The following LRRC38 variants were observed in gnomAD, a reference collection of about 807,000 sequenced individuals.
LRRC38 encodes the protein leucine rich repeat containing 38, also known as leucine-rich repeat-containing protein 38.
LRRC38 carries 5 observed loss-of-function variants against 16.4 expected under a neutral mutation model. That is an observed-to-expected ratio of 0.31 (90% confidence interval 0.16 to 0.64). The LOEUF (loss-of-function observed/expected upper bound fraction) is 0.64, where lower values mean the gene tolerates loss of function less well. Ranked by LOEUF, LRRC38 falls within the 30% of genes least tolerant of loss-of-function variation. LRRC38 has a pLI of 0.80. For missense variants in LRRC38, 341 were observed against 401.8 expected (o/e 0.85, Z 1.29); for synonymous variants, 191 against 190.2 (o/e 1.00, Z -0.04).
chr1:13,484,694 T>G (rs1180967427), intron 1 of LRRC38, among the ~76,000 whole-genome samples: 2 of 152,232 alleles, frequency 1.3e-5, no homozygotes, highest in Non-Finnish European at 2.9e-5. Context: ...GAAACTCTCA[T>G]TGATCTTTGG....
At chr1:13,492,977 C>T (rs1397055224) in intron 1 of LRRC38, among the ~76,000 whole-genome samples, 1 of 152,200 alleles carries the variant, frequency 6.6e-6, no homozygotes, top group Non-Finnish European at 1.5e-5. Flanking sequence ...CTGGGGGCCA[C>T]GCTATCCCTG....
At chr1:13,478,080 C>G (rs1443432676) in intron 1 of LRRC38, among the ~76,000 whole-genome samples, 1 of 152,170 alleles carries the variant, frequency 6.6e-6, no homozygotes, top group Non-Finnish European at 1.5e-5. Context: ...TGTTACCAAG[C>G]ATAATCATCC....
chr1:13,490,996 A>G (rs1639005200), intron 1 of LRRC38, among the ~76,000 whole-genome samples: 2 of 152,222 alleles, frequency 1.3e-5, no homozygotes, highest in Non-Finnish European at 2.9e-5. Flanking sequence ...ATATTTCTAG[A>G]AACTCCTGCT....
At chr1:13,488,063 T>TGC (rs57198482) in intron 1 of LRRC38, among the ~76,000 whole-genome samples, 173 of 149,200 alleles carry the variant, frequency 1.2e-3, no homozygotes, top group African/African-American at 4.0e-3. Flanking sequence ...TGTGTGTGTG[T>TGC]ACATAAATCT....
At chr1:13,476,728 C>A (rs1288982424) in intron 1 of LRRC38, among the ~76,000 whole-genome samples, 2 of 152,092 alleles carry the variant, frequency 1.3e-5, no homozygotes, top group East Asian at 1.9e-4. Context: ...TAATCCAGAC[C>A]CGACTAGTAG....
At position 13,513,223 on chromosome 1, in the gene LRRC38, A is replaced by T; in HGVS notation, c.371T>A (p.Phe124Tyr). The T allele has an allele frequency of 6.4e-7, 1 of 1,550,402 alleles. No individual in the cohort carries two copies. The highest frequency in any genetic ancestry group is 8.7e-7 in the Non-Finnish European group (1 of 1,146,934). ...NNLTQLGAGA[F>Y]RSAGRLVKLS... is the part of the protein sequence containing the mutation. ...CTTCACCAGCCTCCCGGCCGAGCGGAAGGCGCCGGCGCCCAGCTGGGTCAA... is the reference window on the plus strand; with the variant it reads ...CTTCACCAGCCTCCCGGCCGAGCGGTAGGCGCCGGCGCCCAGCTGGGTCAA... The change falls in exon 1 of 2, where the codon TTC becomes TAC. Residue 124 changes from phenylalanine to tyrosine, a missense_variant. Transcript: ENST00000376085.
chr1:13,488,096 C>T (rs1178098327), intron 1 of LRRC38, among the ~76,000 whole-genome samples: 1 of 151,030 alleles, frequency 6.6e-6, no homozygotes, highest in Non-Finnish European at 1.5e-5. Context: ...TGCACTCCAC[C>T]ACTCTGTCGG....
chr1:13,495,178 G>T (rs1183342604), intron 1 of LRRC38, among the ~76,000 whole-genome samples: 1 of 152,206 alleles, frequency 6.6e-6, no homozygotes, highest in Non-Finnish European at 1.5e-5. Flanking sequence ...GAAAGAATGA[G>T]GATGAGCTGG....
At chr1:13,481,746 C>G (rs550678216) in intron 1 of LRRC38, among the ~76,000 whole-genome samples, 104 of 138,202 alleles carry the variant, frequency 7.5e-4, no homozygotes, top group African/African-American at 2.7e-3. Flanking sequence ...TCTGTCTCTG[C>G]CTCTCACTTT....
intron 1 of LRRC38, among the ~76,000 whole-genome samples, chr1:13,496,240 C>T (rs1212378422): frequency 6.6e-6 from 1 of 152,134 alleles, no homozygotes; most frequent in African/African-American, 2.4e-5. Context: ...GATCCTAGCT[C>T]ACTGTAACTT....
rs1478064868 is a variant in LRRC38 at position 13,513,599 on chromosome 1, G to C, written c.-6C>G. The C allele has an allele frequency of 1.8e-6, 2 of 1,108,806 alleles. No homozygotes were observed. Among genetic ancestry groups the C allele is most frequent in the Middle Eastern group, 3.9e-4 (1 of 2,568 alleles). The allele number at this position is 1,108,806 out of a possible 1,614,324, so 68.7% of individuals were successfully genotyped here. A position where few individuals can be genotyped will look rare whatever the true frequency, so the allele number is the denominator to read the frequency against. The stretch of plus-strand genomic sequence containing the variant: ...GCTGGGGCTCGGGGGCGCATGGCCG[G>C]GGGGCCCGCGCCGGCCGCGGCGAGA... On this transcript the variant is annotated 5_prime_UTR_variant, in exon 1 of 2. Coordinates refer to ENST00000376085, the MANE Select transcript of LRRC38 (RefSeq NM_001010847.2).
chr1:13,512,437 T>C (rs1452837707), intron 1 of LRRC38, among the ~76,000 whole-genome samples: 1 of 152,176 alleles, frequency 6.6e-6, no homozygotes, highest in Non-Finnish European at 1.5e-5. Flanking sequence ...TGGCTCTTAA[T>C]GGGCTGCCAT....
intron 1 of LRRC38, among the ~76,000 whole-genome samples, chr1:13,496,151 G>A (rs2100509654): frequency 7.1e-6 from 1 of 139,868 alleles, no homozygotes; most frequent in South Asian, 2.2e-4. Flanking sequence ...CAGCAGCGCT[G>A]ATCAAATATA....
chr1:13,490,482 A>G (rs1346676782), intron 1 of LRRC38, among the ~76,000 whole-genome samples: 1 of 152,110 alleles, frequency 6.6e-6, no homozygotes, highest in Non-Finnish European at 1.5e-5. Context: ...TACTCTTGGG[A>G]AAAAAGCATG....
Position 13,513,203 on chromosome 1 carries a change from C to A in LRRC38, c.391G>T (p.Val131Leu). ...TTGTTGTTAGCCAGGCTAAGCTTCA[C>A]CAGCCTCCCGGCCGAGCGGAAGGCG... The part of the protein sequence containing the change: ...AGAFRSAGRL[V>L]KLSLANNNLV... The change falls in exon 1 of 2, where the codon GTG (valine) becomes TTG (leucine). Residue 131 changes from valine (V) to leucine (L), a missense_variant. Val to Leu is a conservative substitution (Grantham distance 32). Transcript: ENST00000376085. 3 of 1,550,530 alleles carry A rather than the reference C, an allele frequency of 1.9e-6. No homozygotes were observed. Among genetic ancestry groups the A allele is most frequent in the East Asian group, 4.9e-5 (2 of 40,872 alleles).
chr1:13,498,566 G>A (rs775489235), intron 1 of LRRC38, among the ~76,000 whole-genome samples: 7 of 152,174 alleles, frequency 4.6e-5, no homozygotes, highest in Non-Finnish European at 7.3e-5. Context: ...GGGAGGCGGA[G>A]GTTGCAGTAA....
In LRRC38 at chr1:13,487,768, C is replaced by T. The variant is rs545767578; in HGVS notation, c.632-11669G>A. ...TTGAGATTAATCTCTTGCACCGGAC[C>T]GGCCCCTTGCCAACAAACAGGCCTG... On this transcript the variant is annotated intron_variant, in intron 1 of 1. Coordinates refer to ENST00000376085, the MANE Select transcript of LRRC38 (RefSeq NM_001010847.2). This position sits in a 1 kb window ranked among gnomAD's most constrained non-coding sequence, Gnocchi z 4.4. Among the ~76,000 whole-genome samples, 4 of 152,290 alleles carry T rather than the reference C, an allele frequency of 2.6e-5. No individual in the cohort carries two copies. Among genetic ancestry groups the T allele is most frequent in the African/African-American group, 9.6e-5 (4 of 41,576 alleles).
intron 1 of LRRC38, among the ~76,000 whole-genome samples, chr1:13,511,772 G>A (rs921745648): frequency 1.3e-5 from 2 of 152,114 alleles, no homozygotes; most frequent in African/African-American, 4.8e-5. Context: ...CACCCTGCAG[G>A]CCAGATCGTT....
chr1:13,493,077 C>G (rs888877472), intron 1 of LRRC38, among the ~76,000 whole-genome samples: 6 of 152,230 alleles, frequency 3.9e-5, no homozygotes, highest in African/African-American at 1.4e-4. Context: ...ACCCTCGGCT[C>G]ACGAAGTGCT....
Sources: allele counts gnomAD v4.1 joint callset (sites outside exome capture counted in the v4.1 genomes callset), GRCh38; gene constraint gnomAD v4.1.1; non-coding constraint Gnocchi (gnomAD v3.1); transcripts MANE v1.5; gene names NCBI Gene and HGNC (gene_info 2026-07-23, HGNC 2026-07-21).